Variants in DIP2C observed in about 807,000 individuals in gnomAD.
DIP2C encodes disco-interacting protein 2 homolog C.
In DIP2C, 33 loss-of-function variants were observed where a neutral mutation model predicts 192.4. That is an observed-to-expected ratio of 0.17 (90% CI 0.13 to 0.23). The LOEUF (loss-of-function observed/expected upper bound fraction) is 0.23. Among genes scored for constraint, DIP2C ranks in the 10% least tolerant of loss-of-function variants. The pLI is 1.00. For synonymous variants in DIP2C, 979 were observed against 864.1 expected, an observed-to-expected ratio of 1.13 and a Z score of -2.33; for missense variants, 1,537 against 2,110.1, an observed-to-expected ratio of 0.73 and a Z score of 5.32.
At chr10:309,311 G>A (rs902214756) in intron 32 of DIP2C, among the ~76,000 whole-genome samples, 1 of 151,904 alleles carries the variant, frequency 6.6e-6, no homozygotes, top group South Asian at 2.1e-4. Flanking sequence ...CTTCTCAGGG[G>A]GCGCTTAGGA....
At chr10:323,398 CT>C (rs1957108053) in intron 31 of DIP2C, among the ~76,000 whole-genome samples, 1 of 121,232 alleles carries the variant, frequency 8.2e-6, no homozygotes, top group African/African-American at 3.3e-5. Flanking sequence ...GGGTGCGGGG[CT>C]CCGGCGAGAG....
At chr10:610,078 G>C (rs1852969876) in intron 1 of DIP2C, among the ~76,000 whole-genome samples, 1 of 152,192 alleles carries the variant, frequency 6.6e-6, no homozygotes. Context: ...AATCACCTGA[G>C]TGCCGGTCAA....
At chr10:427,729 T>TAG (rs1442919572) in intron 4 of DIP2C, among the ~76,000 whole-genome samples, 4 of 152,202 alleles carry the variant, frequency 2.6e-5, no homozygotes, top group Admixed American at 2.0e-4. Flanking sequence ...TCACATCAAT[T>TAG]AGAATGGCAA....
intron 32 of DIP2C, among the ~76,000 whole-genome samples, chr10:294,893 T>C (rs1332183363): frequency 6.6e-6 from 1 of 151,950 alleles, no homozygotes; most frequent in Non-Finnish European, 1.5e-5. Context: ...AATAAAAGAA[T>C]ACATTTGCAA....
At chr10:517,272 G>A (rs1156928217) in intron 1 of DIP2C, among the ~76,000 whole-genome samples, 1 of 152,094 alleles carries the variant, frequency 6.6e-6, no homozygotes, top group Non-Finnish European at 1.5e-5. Flanking sequence ...TTTACTTACT[G>A]CCCAGAACAA....
intron 17 of DIP2C, among the ~76,000 whole-genome samples, chr10:373,541 T>C (rs1961230090): frequency 6.6e-6 from 1 of 152,118 alleles, no homozygotes; most frequent in South Asian, 2.1e-4. Flanking sequence ...TCTCAGAACA[T>C]GTCTGGGGTC....
chr10:529,562 A>AT (rs1847252776), intron 1 of DIP2C, among the ~76,000 whole-genome samples: 1 of 152,156 alleles, frequency 6.6e-6, no homozygotes, highest in African/African-American at 2.4e-5. Context: ...GATATGGGAA[A>AT]ACAGAAAAGA....
chr10:530,565 C>G (rs1346136767), intron 1 of DIP2C, among the ~76,000 whole-genome samples: 1 of 150,046 alleles, frequency 6.7e-6, no homozygotes, highest in African/African-American at 2.5e-5. Flanking sequence ...AGCCTGTAAG[C>G]CCAGCACTTT....
At chr10:564,616 T>C (rs1396680838) in intron 1 of DIP2C, among the ~76,000 whole-genome samples, 2 of 147,946 alleles carry the variant, frequency 1.4e-5, no homozygotes, top group East Asian at 3.9e-4. Context: ...TGTCTCCTTT[T>C]GACCTCTGTT....
chr10:374,191 T>C (rs1384888502), intron 17 of DIP2C, among the ~76,000 whole-genome samples: 1 of 152,180 alleles, frequency 6.6e-6, no homozygotes, highest in East Asian at 1.9e-4. Context: ...AAATATAAGA[T>C]CATATATTTT....
At position 415,833 on chromosome 10, in the gene DIP2C, G is replaced by C. The variant is rs977205454; in HGVS notation, c.795C>G (p.Leu265=). The C allele has an allele frequency of 1.9e-6, 3 of 1,613,920 alleles. No homozygotes were observed. The Admixed American group carries it at 5.0e-5, about 27-fold the overall frequency. The change falls in exon 7 of 37, where the codon CTC becomes CTG. Residue 265 remains leucine, a synonymous_variant. Coordinates refer to ENST00000280886, the MANE Select transcript of DIP2C (RefSeq NM_014974.3). ...SAKIQQLVNT[L]KRPKRPPLRE... ...GTAAAGGTGGTCGTTTCGGTCGTTTGAGGGTATTGACAAGCTGCTGGATTT... is the reference window on the plus strand; with the variant it reads ...GTAAAGGTGGTCGTTTCGGTCGTTTCAGGGTATTGACAAGCTGCTGGATTT...
chr10:651,616 C>T lies in DIP2C; in HGVS notation c.85+37878G>A, dbSNP rs895544948. 3 of 359,850 alleles carry T rather than the reference C, an allele frequency of 8.3e-6. No individual in the cohort carries two copies. Among genetic ancestry groups the T allele is most frequent in the South Asian group, 2.2e-5 (1 of 46,214 alleles). 22.3% of individuals were successfully genotyped at this position (359,850 alleles called of 1,614,324 possible). On this transcript the variant is annotated intron_variant, in intron 1 of 36. Transcript: ENST00000280886. The surrounding 1 kb of genome is among the most constrained non-coding windows in gnomAD (Gnocchi z 4.1). ...AGGTGCATCTTTTATAAAACAAGAA[C>T]GCAAGGCTCTGAGGCCAACTTTGAA...
chr10:590,624 C>T (rs967355879), intron 1 of DIP2C, among the ~76,000 whole-genome samples: 2 of 152,222 alleles, frequency 1.3e-5, no homozygotes, highest in African/African-American at 4.8e-5. Context: ...TTACTACAAT[C>T]TTTAAACAGA....
rs1015139435 is a variant in DIP2C, at chr10:294,817, T to C, written c.3987-6396A>G. Among the ~76,000 whole-genome samples, 16 of 151,886 alleles carry C rather than the reference T, an allele frequency of 1.1e-4. No individual in the cohort carries two copies. The East Asian group carries it at 1.5e-3, about 15-fold the overall frequency. The stretch of plus-strand genomic sequence containing the variant: ...GGCCACAAAAGCAAAAATAAGCAAA[T>C]AGGATTATAAATAACTTAAAAGCTT... On this transcript the variant is annotated intron_variant, in intron 32 of 36. Coordinates refer to ENST00000280886, the MANE Select transcript of DIP2C (RefSeq NM_014974.3).
At chr10:355,288 G>A (rs745430943) in intron 24 of DIP2C, among the ~76,000 whole-genome samples, 3 of 152,204 alleles carry the variant, frequency 2.0e-5, no homozygotes, top group African/African-American at 4.8e-5. Flanking sequence ...ACGTCAAGAC[G>A]ACACGCGCTT....
intron 1 of DIP2C, among the ~76,000 whole-genome samples, chr10:585,899 G>T (rs185095833): frequency 6.6e-6 from 1 of 152,246 alleles, no homozygotes; most frequent in Admixed American, 6.5e-5. Flanking sequence ...CATATTAGAG[G>T]GTTAAGGGGG....
Position 329,516 on chromosome 10 carries a change from A to G in DIP2C, c.3670T>C (p.Tyr1224His). The change falls in exon 30 of 37, where the codon TAC (tyrosine) becomes CAC (histidine). Residue 1224 changes from tyrosine to histidine, a missense_variant. By Grantham distance (83) the Tyr-to-His change is moderately conservative. Coordinates refer to ENST00000280886, the MANE Select transcript of DIP2C (RefSeq NM_014974.3). ...PALWLLAVSQ[Y>H]KVRDTFCSYS... ...GAGCAAAACGTGTCTCGGACTTTGT[A>G]CTGACTCACGGCAAGAAGCCACAAG... 6.2e-7 allele frequency: 1 copy of G among 1,614,192 alleles called. No homozygotes were observed. The highest frequency in any genetic ancestry group is 8.5e-7 in the Non-Finnish European group (1 of 1,180,032).
intron 1 of DIP2C, among the ~76,000 whole-genome samples, chr10:674,361 A>G (rs1027385307): frequency 2.0e-5 from 3 of 152,084 alleles, no homozygotes; most frequent in Non-Finnish European, 4.4e-5. Flanking sequence ...AAAAGGAGAC[A>G]AAAAGGTAAT....
At chr10:614,817 C>T (rs1853338018) in intron 1 of DIP2C, among the ~76,000 whole-genome samples, 1 of 152,240 alleles carries the variant, frequency 6.6e-6, no homozygotes, top group South Asian at 2.1e-4. Context: ...GGCCCAGAGC[C>T]TCTCTGCATT....
Sources: allele counts gnomAD v4.1 joint callset (sites outside exome capture counted in the v4.1 genomes callset), GRCh38; gene constraint gnomAD v4.1.1; non-coding constraint Gnocchi (gnomAD v3.1); transcripts MANE v1.5; gene names NCBI Gene and HGNC (gene_info 2026-07-23, HGNC 2026-07-21).